The following IVL variants were observed in gnomAD, a reference collection of about 807,000 sequenced individuals.
IVL encodes involucrin.
For missense variants in IVL, 722 were observed against 624.9 expected, an observed-to-expected ratio of 1.16 and a Z score of -1.66; for synonymous variants, 257 against 271.0, an observed-to-expected ratio of 0.95 and a Z score of 0.51.
chr1:152,909,208 A>T (rs1398373464), intron 1 of IVL, among the ~76,000 whole-genome samples: 1 of 152,142 alleles, frequency 6.6e-6, no homozygotes, highest in Non-Finnish European at 1.5e-5. Flanking sequence ...ACAGGGGGGA[A>T]AACCAAATCC....
At chr1:152,908,720 GGGGACTC>G (rs1196932281) in intron 1 of IVL, 131 bp downstream of exon 1, 2 of 152,326 alleles carry the variant, frequency 1.3e-5, no homozygotes, top group African/African-American at 4.8e-5. Context: ...TTCATTCTAG[GGGGACTC>G]GAGTCAGAGT....
chr1:152,911,102 G>A lies in IVL; in HGVS notation c.1305G>A (p.Glu435=). Residue 435 remains glutamate (E), a synonymous_variant, in exon 2 of 2, where the codon GAG becomes GAA. Transcript: ENST00000368764. Reference sequence around the variant, plus strand: ...TGGGGCAGCTGAAGCACCTAGAGGAGCAGGAGGGACAACTGAAGCATCTGG... The same window carrying A: ...TGGGGCAGCTGAAGCACCTAGAGGAACAGGAGGGACAACTGAAGCATCTGG... The part of the protein sequence containing the change: ...QQVGQLKHLE[E]QEGQLKHLEQ... The A allele has an allele frequency of 1.9e-6, 3 of 1,551,400 alleles. No individual in the cohort carries two copies. The highest frequency in any genetic ancestry group is 2.6e-6 in the Non-Finnish European group (3 of 1,146,808).
Position 152,910,074 on chromosome 1 carries a change from G to A in IVL, c.277G>A (p.Glu93Lys), listed in dbSNP as rs770351834. 1.2e-6 allele frequency: 2 copies of A among 1,614,174 alleles called. No individual in the cohort carries two copies. The highest frequency in any genetic ancestry group is 1.1e-5 in the South Asian group (1 of 91,078). The change falls in exon 2 of 2, where the codon GAA (glutamate) becomes AAA (lysine). Residue 93 changes from glutamate (E) to lysine (K), a missense_variant. Glu to Lys is a moderately conservative substitution (Grantham distance 56, BLOSUM62 1). Coordinates refer to ENST00000368764, the MANE Select transcript of IVL (RefSeq NM_005547.4). ...QEQELQQQHW[E>K]QHEEYQKAEN... ...GCAGGAGCTGCAGCAACAGCACTGG[G>A]AACAGCATGAGGAATATCAGAAAGC...
Position 152,910,328 on chromosome 1 carries a change from G to A in IVL, c.531G>A (p.Glu177=), listed in dbSNP as rs1649913030. Reference sequence around the variant, plus strand: ...AGGAGGGACAGCTGAAGCACCCGGAGCAGCAGGAGGGGCAGCTGGAGCTCC... The same window carrying A: ...AGGAGGGACAGCTGAAGCACCCGGAACAGCAGGAGGGGCAGCTGGAGCTCC... ...EQQEGQLKHP[E]QQEGQLELPE... The change falls in exon 2 of 2, where the codon GAG becomes GAA. Residue 177 remains glutamate (E), a synonymous_variant. Coordinates refer to ENST00000368764, the MANE Select transcript of IVL (RefSeq NM_005547.4). 6.3e-7 allele frequency: 1 copy of A among 1,582,710 alleles called. No individual in the cohort carries two copies. Among genetic ancestry groups the A allele is most frequent in the Non-Finnish European group, 8.6e-7 (1 of 1,161,396 alleles).
At position 152,911,390 on chromosome 1, in the gene IVL, G is replaced by A. The variant is rs761615953; in HGVS notation, c.1593G>A (p.Lys531=). ...KHLEQQEGQL[K]DLEQQKGQLE... The stretch of plus-strand genomic sequence containing the variant: ...TGGAGCAGCAGGAGGGGCAGCTGAA[G>A]GACCTGGAGCAGCAGAAGGGGCAGC... Residue 531 remains lysine (K), a synonymous_variant, in exon 2 of 2, where the codon AAG becomes AAA. Transcript: ENST00000368764. 4 of 1,613,682 alleles carry A rather than the reference G, an allele frequency of 2.5e-6. No individual in the cohort carries two copies. The South Asian group carries it at 4.4e-5, about 18-fold the overall frequency.
At chr1:152,909,696 A>C in intron 1 of IVL, 83 bp from the exon 2 acceptor site, 1 of 1,138,598 alleles carries the variant, frequency 8.8e-7, no homozygotes, top group East Asian at 2.5e-5. Flanking sequence ...GATGCTAAAA[A>C]ACCAGATACT....
Position 152,910,259 on chromosome 1 carries a change from G to T in IVL, c.462G>T (p.Glu154Asp), listed in dbSNP as rs771011489. 1.9e-6 allele frequency: 3 copies of T among 1,614,022 alleles called. No homozygotes were observed. The highest frequency in any genetic ancestry group is 1.3e-5 in the African/African-American group (1 of 75,032). ...GAATGAAGAAAGAGCAACTGTTGGA[G>T]CTCCCAGAGCAGCAGGAGGGGCACC... ...QLGMKKEQLL[E>D]LPEQQEGHLK... is the part of the protein sequence containing the mutation. The change falls in exon 2 of 2, where the codon GAG (glutamate) becomes GAT (aspartate). Residue 154 changes from glutamate (E) to aspartate (D), a missense_variant. Physicochemically the swap from Glu to Asp is conservative, Grantham distance 45. Coordinates refer to ENST00000368764, the MANE Select transcript of IVL (RefSeq NM_005547.4).
Position 152,910,012 on chromosome 1 carries a change from A to C in IVL, c.215A>C (p.Glu72Ala). 1.2e-6 allele frequency: 2 copies of C among 1,614,208 alleles called. No individual in the cohort carries two copies. The highest frequency in any genetic ancestry group is 1.7e-6 in the Non-Finnish European group (2 of 1,180,042). ...KHMTAVKGLP[E>A]QECEQQQKEP... ...ATGACTGCTGTAAAGGGACTGCCTG[A>C]GCAAGAATGTGAGCAACAGCAGAAG... Residue 72 changes from glutamate to alanine, a missense_variant, in exon 2 of 2, where the codon GAG becomes GCG. Transcript: ENST00000368764.
rs1159166383 is a variant in IVL, at chr1:152,911,246, G to A, written c.1449G>A (p.Leu483=). 6.4e-7 allele frequency: 1 copy of A among 1,555,766 alleles called. No homozygotes were observed. The highest frequency in any genetic ancestry group is 8.7e-7 in the Non-Finnish European group (1 of 1,149,682). Residue 483 remains leucine (L), a synonymous_variant, in exon 2 of 2, where the codon CTG becomes CTA. Transcript: ENST00000368764. ...PEQQEGQVKH[L]EKQEAQLELP... is the part of the protein sequence containing the mutation. The stretch of plus-strand genomic sequence containing the variant: ...AGCAAGAGGGCCAGGTGAAGCACCT[G>A]GAGAAGCAGGAGGCACAGCTGGAGC...
At position 152,911,385 on chromosome 1, in the gene IVL, C is replaced by A. The variant is rs753559373; in HGVS notation, c.1588C>A (p.Leu530Met). 21 of 1,613,222 alleles carry A rather than the reference C, an allele frequency of 1.3e-5. No individual in the cohort carries two copies. In the Admixed American group the frequency reaches 1.8e-4, roughly 14 times the overall value. ...ACATCTGGAGCAGCAGGAGGGGCAG[C>A]TGAAGGACCTGGAGCAGCAGAAGGG... ...LKHLEQQEGQ[L>M]KDLEQQKGQL... Residue 530 changes from leucine (L) to methionine (M), a missense_variant, in exon 2 of 2, where the codon CTG becomes ATG. Physicochemically the swap from Leu to Met is conservative, Grantham distance 15 (BLOSUM62 2). Coordinates refer to ENST00000368764, the MANE Select transcript of IVL (RefSeq NM_005547.4).
In IVL at chr1:152,911,562, G is replaced by A. The variant is rs781508827; in HGVS notation, c.*7G>A. The A allele has an allele frequency of 1.2e-5, 19 of 1,602,018 alleles. No individual in the cohort carries two copies. The highest frequency in any genetic ancestry group is 2.3e-5 in the South Asian group (2 of 88,060). On this transcript the variant is annotated 3_prime_UTR_variant, in exon 2 of 2. Coordinates refer to ENST00000368764, the MANE Select transcript of IVL (RefSeq NM_005547.4). Reference sequence around the variant, plus strand: ...GCCACCCAAACATAAATAACCACCCGCAGTGTCCAGAGGCCCTCAGATCGT... The same window carrying A: ...GCCACCCAAACATAAATAACCACCCACAGTGTCCAGAGGCCCTCAGATCGT...
In IVL at chr1:152,910,569, C is replaced by T; in HGVS notation, c.772C>T (p.Gln258Ter). Reference sequence around the variant, plus strand: ...GGAGGGGCAGCTGGAGCTCTCTGAGCAGCAGGAGGGACAGCTGAAGCACCT... The same window carrying T: ...GGAGGGGCAGCTGGAGCTCTCTGAGTAGCAGGAGGGACAGCTGAAGCACCT... ...QQEGQLELSE[Q>*]QEGQLKHLEH... The change falls in exon 2 of 2, where the codon CAG becomes TAG. Residue 258 changes from glutamine (Q) to a stop codon, truncating the protein, a stop_gained. Coordinates refer to ENST00000368764, the MANE Select transcript of IVL (RefSeq NM_005547.4). LOFTEE classifies it low-confidence loss of function (END_TRUNC). The T allele has an allele frequency of 4.5e-6, 7 of 1,549,692 alleles. No individual in the cohort carries two copies. Among genetic ancestry groups the T allele is most frequent in the Non-Finnish European group, 6.1e-6 (7 of 1,146,370 alleles).
In IVL at chr1:152,909,966, T is replaced by A. The variant is rs779879057; in HGVS notation, c.169T>A (p.Ser57Thr). 2 of 1,613,790 alleles carry A rather than the reference T, an allele frequency of 1.2e-6. No individual in the cohort carries two copies. The highest frequency in any genetic ancestry group is 2.2e-5 in the South Asian group (2 of 91,056). Residue 57 changes from serine to threonine, a missense_variant, in exon 2 of 2, where the codon TCA (serine) becomes ACA (threonine). Ser to Thr is a moderately conservative substitution (Grantham distance 58, BLOSUM62 1). Transcript: ENST00000368764. ...TGTCGAGCTCCCAGTGGAGGTCCCA[T>A]CAAAGCAAGAGGAAAAGCACATGAC... The part of the protein sequence containing the change: ...VPVELPVEVP[S>T]KQEEKHMTAV...
rs944070587 is a variant in IVL at position 152,911,115 on chromosome 1, C to T, written c.1318C>T (p.Leu440=). The T allele has an allele frequency of 5.2e-6, 8 of 1,553,364 alleles. No individual in the cohort carries two copies. The African/African-American group carries it at 1.1e-4, about 21-fold the overall frequency. The stretch of plus-strand genomic sequence containing the variant: ...GCACCTAGAGGAGCAGGAGGGACAA[C>T]TGAAGCATCTGGAGCAGCAGCAGGG... ...LKHLEEQEGQ[L]KHLEQQQGQL... is the part of the protein sequence containing the mutation. The change falls in exon 2 of 2, where the codon CTG becomes TTG. Residue 440 remains leucine (L), a synonymous_variant. Coordinates refer to ENST00000368764, the MANE Select transcript of IVL (RefSeq NM_005547.4).
In IVL at chr1:152,911,437, C is replaced by G; in HGVS notation, c.1640C>G (p.Pro547Arg). 1.2e-6 allele frequency: 2 copies of G among 1,614,148 alleles called. No homozygotes were observed. Among genetic ancestry groups the G allele is most frequent in the Non-Finnish European group, 1.7e-6 (2 of 1,180,022 alleles). The change falls in exon 2 of 2, where the codon CCA (proline) becomes CGA (arginine). Residue 547 changes from proline to arginine, a missense_variant. Coordinates refer to ENST00000368764, the MANE Select transcript of IVL (RefSeq NM_005547.4). ...CAGCTGGAGCAGCCTGTGTTTGCCC[C>G]AGCTCCAGGCCAGGTCCAAGACATT... ...KGQLEQPVFA[P>R]APGQVQDIQP...
Position 152,910,160 on chromosome 1 carries a change from AC to A in IVL, c.364del (p.Gln122SerfsTer9), listed in dbSNP as rs1468267293. The A allele has an allele frequency of 1.2e-6, 2 of 1,614,068 alleles. No individual in the cohort carries two copies. The highest frequency in any genetic ancestry group is 3.3e-5 in the Admixed American group (2 of 60,004). Reference sequence around the variant, plus strand: ...CACAAAGGGATCAGCAGCTAAACAAACAGCTGGAAGAAGAGAAGAAGCTCTT... The same window carrying A: ...CACAAAGGGATCAGCAGCTAAACAAAAGCTGGAAGAAGAGAAGAAGCTCTT... ...KTQRDQQLNK[Q>X]LEEEKKLLDQ... On this transcript the variant is annotated frameshift_variant, in exon 2 of 2. Transcript: ENST00000368764. LOFTEE classifies it low-confidence loss of function (END_TRUNC).
chr1:152,909,814 CA>C lies in IVL; in HGVS notation c.18del (p.Leu7CysfsTer3). 1 of 1,612,814 alleles carries C rather than the reference CA, an allele frequency of 6.2e-7. No homozygotes were observed. Among genetic ancestry groups the C allele is most frequent in the South Asian group, 1.1e-5 (1 of 90,830 alleles). On this transcript the variant is annotated frameshift_variant, in exon 2 of 2. Transcript: ENST00000368764. LOFTEE classifies it low-confidence loss of function (END_TRUNC). Reference sequence around the variant, plus strand: ...GCTTCTAAGATGTCCCAGCAACACACACTGCCAGTGACCCTCTCCCCTGCCC... The same window carrying C: ...GCTTCTAAGATGTCCCAGCAACACACCTGCCAGTGACCCTCTCCCCTGCCC... MSQQHTLPVTLSPALS... is the reference protein window; with the variant it reads MSQQHXLPVTLSPALS...
At position 152,910,007 on chromosome 1, in the gene IVL, G is replaced by T. The variant is rs772577225; in HGVS notation, c.210G>T (p.Leu70=). 4 of 1,614,194 alleles carry T rather than the reference G, an allele frequency of 2.5e-6. No homozygotes were observed. The highest frequency in any genetic ancestry group is 3.4e-6 in the Non-Finnish European group (4 of 1,180,038). The part of the protein sequence containing the change: ...EEKHMTAVKG[L]PEQECEQQQK... ...AGCACATGACTGCTGTAAAGGGACT[G>T]CCTGAGCAAGAATGTGAGCAACAGC... is the stretch of plus-strand genomic sequence containing the variant. The change falls in exon 2 of 2, where the codon CTG becomes CTT. Residue 70 remains leucine (L), a synonymous_variant. Transcript: ENST00000368764.
Position 152,910,012 on chromosome 1 carries a change from A to G in IVL, c.215A>G (p.Glu72Gly). The change falls in exon 2 of 2, where the codon GAG becomes GGG. Residue 72 changes from glutamate (E) to glycine (G), a missense_variant. By Grantham distance (98) the Glu-to-Gly change is moderately conservative. Transcript: ENST00000368764. ...ATGACTGCTGTAAAGGGACTGCCTGAGCAAGAATGTGAGCAACAGCAGAAG... is the reference window on the plus strand; with the variant it reads ...ATGACTGCTGTAAAGGGACTGCCTGGGCAAGAATGTGAGCAACAGCAGAAG... ...KHMTAVKGLP[E>G]QECEQQQKEP... The G allele has an allele frequency of 1.2e-6, 2 of 1,614,208 alleles. No individual in the cohort carries two copies. The highest frequency in any genetic ancestry group is 1.7e-6 in the Non-Finnish European group (2 of 1,180,042).
Sources: gnomAD v4.1 joint callset for allele counts (sites outside exome capture counted in the v4.1 genomes callset) on GRCh38, gnomAD v4.1.1 for gene constraint, MANE v1.5 for transcripts, NCBI Gene and HGNC (gene_info 2026-07-23, HGNC 2026-07-21) for gene names.